Variants in ALPK1 observed in about 807,000 individuals in gnomAD.
The protein encoded by ALPK1 is alpha-protein kinase 1.
A neutral mutation model predicts 120.6 loss-of-function variants in ALPK1; 110 were observed. That is an observed-to-expected ratio of 0.91 (90% CI 0.78 to 1.07). The LOEUF is 1.07. ALPK1 is among the 50% of genes least tolerant of loss of function. The pLI is 0.00. For synonymous variants in ALPK1, 582 were observed against 560.3 expected (o/e 1.04, Z -0.55); for missense variants, 1,498 against 1,483.9 (o/e 1.01, Z -0.16).
intron 4 of ALPK1, among the ~76,000 whole-genome samples, chr4:112,397,397 T>G (rs1732698033): frequency 6.6e-6 from 1 of 152,252 alleles, no homozygotes; most frequent in Non-Finnish European, 1.5e-5. Flanking sequence ...CCTATCACAC[T>G]AGGCATGAAT....
chr4:112,324,266 G>A (rs1189915638), intron 2 of ALPK1, among the ~76,000 whole-genome samples: 1 of 150,862 alleles, frequency 6.6e-6, no homozygotes, highest in Non-Finnish European at 1.5e-5. Context: ...GGCGGAGCTT[G>A]CAGTGAGCCG....
chr4:112,301,710 ACCGTATAT>A (rs1303977627), intron 1 of ALPK1, among the ~76,000 whole-genome samples: 2 of 152,154 alleles, frequency 1.3e-5, no homozygotes, highest in African/African-American at 4.8e-5. Flanking sequence ...TACAGAAGAT[ACCGTATAT>A]TCTGTATCAG....
rs112433787 is a variant in ALPK1 at position 112,338,670 on chromosome 4, T to A, written c.-101+22818T>A. 3.0e-4 allele frequency among the ~76,000 whole-genome samples: 45 copies of A among 152,340 alleles called. 1 individual carries two copies. Among genetic ancestry groups the A allele is most frequent in the African/African-American group, 1.1e-3 (44 of 41,584 alleles). On this transcript the variant is annotated intron_variant, in intron 2 of 15. Coordinates refer to ENST00000650871, the MANE Select transcript of ALPK1 (RefSeq NM_025144.4). ...GCTGCAAATAAAGTCATAAGGTCTTTCAGAGTATGTTTTACCTTGGAAGTG... is the reference window on the plus strand; with the variant it reads ...GCTGCAAATAAAGTCATAAGGTCTTACAGAGTATGTTTTACCTTGGAAGTG...
intron 5 of ALPK1, among the ~76,000 whole-genome samples, chr4:112,421,925 A>T (rs942576096): frequency 1.3e-5 from 2 of 152,192 alleles, no homozygotes; most frequent in African/African-American, 4.8e-5. Context: ...ACTTAAAGGA[A>T]GCACTTTACA....
chr4:112,428,172 G>C (rs1734323171), intron 9 of ALPK1: 1 of 153,024 alleles, frequency 6.5e-6, no homozygotes, highest in African/African-American at 2.4e-5. Flanking sequence ...GTAGAGCAAA[G>C]TGTATCATTC....
chr4:112,339,810 A>G (rs560644299), intron 2 of ALPK1, among the ~76,000 whole-genome samples: 1 of 152,338 alleles, frequency 6.6e-6, no homozygotes, highest in African/African-American at 2.4e-5. Flanking sequence ...ACATCACTGA[A>G]TCTCTTTCTC....
Position 112,429,232 on chromosome 4 carries a change from G to A in ALPK1, c.879G>A (p.Pro293=), listed in dbSNP as rs201246124. The change falls in exon 10 of 16, where the codon CCG becomes CCA. Residue 293 remains proline (P), a synonymous_variant. Coordinates refer to ENST00000650871, the MANE Select transcript of ALPK1 (RefSeq NM_025144.4). ...KLAAAFSAYT[P]LFVLTAVNIR... The stretch of plus-strand genomic sequence containing the variant: ...CAGCTGCCTTCAGTGCCTATACGCC[G>A]CTCTTCGTGCTCACAGCTGTGGTAA... 28 of 1,611,928 alleles carry A rather than the reference G, an allele frequency of 1.7e-5. No individual in the cohort carries two copies. The highest frequency in any genetic ancestry group is 6.7e-5 in the Admixed American group (4 of 59,934).
intron 2 of ALPK1, among the ~76,000 whole-genome samples, chr4:112,371,536 T>C (rs1263546868): frequency 6.6e-6 from 1 of 152,240 alleles, no homozygotes; most frequent in Non-Finnish European, 1.5e-5. Context: ...TATCACTCTT[T>C]CAAAGCTTAA....
chr4:112,315,230 T>A (rs561653192), intron 1 of ALPK1, among the ~76,000 whole-genome samples: 1 of 152,230 alleles, frequency 6.6e-6, no homozygotes, highest in Non-Finnish European at 1.5e-5. Context: ...ATTGCAAACT[T>A]CTTTAGCAAC....
At chr4:112,393,888 G>A (rs1431674315) in intron 4 of ALPK1, among the ~76,000 whole-genome samples, 1 of 151,844 alleles carries the variant, frequency 6.6e-6, no homozygotes, top group Non-Finnish European at 1.5e-5. Flanking sequence ...ATATTTTTTA[G>A]ATCATTTTAG....
chr4:112,439,290 G>A (rs1734921905), intron 13 of ALPK1, among the ~76,000 whole-genome samples: 1 of 152,046 alleles, frequency 6.6e-6, no homozygotes, highest in Admixed American at 6.6e-5. Context: ...CAGGCAGTTT[G>A]CAAACCTTAA....
chr4:112,344,976 G>A (rs1730042995), intron 2 of ALPK1, among the ~76,000 whole-genome samples: 1 of 152,174 alleles, frequency 6.6e-6, no homozygotes, highest in African/African-American at 2.4e-5. Context: ...TTTAAAAAAT[G>A]TTTAAAGATC....
chr4:112,426,405 A>C, intron 7 of ALPK1, 62 bp from the exon 8 acceptor site: 1 of 1,305,020 alleles, frequency 7.7e-7, no homozygotes, highest in Non-Finnish European at 1.1e-6. Context: ...TTCTCTATAC[A>C]AGAGCACAGA....
intron 2 of ALPK1, among the ~76,000 whole-genome samples, chr4:112,375,622 A>G (rs981217561): frequency 6.6e-6 from 1 of 152,150 alleles, no homozygotes; most frequent in African/African-American, 2.4e-5. Context: ...GTTTGGCTTA[A>G]GGGAGTGTTG....
chr4:112,388,623 C>CAAAAAAAAAA (rs11409574), intron 4 of ALPK1, among the ~76,000 whole-genome samples: 1 of 128,642 alleles, frequency 7.8e-6, no homozygotes, highest in African/African-American at 2.9e-5. Flanking sequence ...CATCAAGTTG[C>CAAAAAAAAAA]AAAAAAAAAA....
At chr4:112,323,038 C>A (rs181016385) in intron 2 of ALPK1, among the ~76,000 whole-genome samples, 24 of 152,278 alleles carry the variant, frequency 1.6e-4, no homozygotes, top group African/African-American at 5.3e-4. Context: ...TCCTGCTGAC[C>A]GCAGTCACTT....
chr4:112,415,600 G>A (rs1252179004), intron 5 of ALPK1, among the ~76,000 whole-genome samples: 1 of 150,900 alleles, frequency 6.6e-6, no homozygotes, highest in East Asian at 1.9e-4. Flanking sequence ...TCATGCCATT[G>A]CACTCCAGCC....
At chr4:112,377,950 G>T (rs926670494) in intron 3 of ALPK1, 52 bp downstream of exon 3, 3 of 1,542,856 alleles carry the variant, frequency 1.9e-6, no homozygotes, top group Admixed American at 3.7e-5. Context: ...TCACTCTCCT[G>T]TCCCCTGCCT....
At chr4:112,357,277 C>G (rs1047600083) in intron 2 of ALPK1, 4 of 1,196,778 alleles carry the variant, frequency 3.3e-6, no homozygotes, top group Non-Finnish European at 4.8e-6. Flanking sequence ...CTGGGGTGTT[C>G]GCCAACACAG....
Sources: gnomAD v4.1 joint callset for allele counts (sites outside exome capture counted in the v4.1 genomes callset) on GRCh38, gnomAD v4.1.1 for gene constraint, MANE v1.5 for transcripts, NCBI Gene and HGNC (gene_info 2026-07-23, HGNC 2026-07-21) for gene names.